DUS3L: variants seen among roughly 807,000 people sequenced by gnomAD.
DUS3L encodes dihydrouridine synthase 3 like.
A neutral mutation model predicts 74.6 loss-of-function variants in DUS3L; 62 were observed. That is an observed-to-expected ratio of 0.83 (90% CI 0.68 to 1.03). The LOEUF (loss-of-function observed/expected upper bound fraction) is 1.03, where lower values mean the gene tolerates loss of function less well. DUS3L is among the 50% of genes least tolerant of loss of function. DUS3L has a pLI of 0.00. For synonymous variants in DUS3L, 433 were observed against 395.7 expected (o/e 1.09, Z -1.12); for missense variants, 884 against 924.4 (o/e 0.96, Z 0.57).
Position 5,789,375 on chromosome 19 carries a change from A to T in DUS3L, c.732T>A (p.Ala244=). ...CCTCGGCTGCCGTGCCCTCGGGGACAGCGGCAGCGGGTGTGGGGCCCTGGC... is the reference window on the plus strand; with the variant it reads ...CCTCGGCTGCCGTGCCCTCGGGGACTGCGGCAGCGGGTGTGGGGCCCTGGC... ...RFSQGPTPAA[A]VPEGTAAEGA... The change falls in exon 3 of 13, where the codon GCT becomes GCA. Residue 244 remains alanine (A), a synonymous_variant. Coordinates refer to ENST00000309061, the MANE Select transcript of DUS3L (RefSeq NM_020175.3). The T allele has an allele frequency of 6.3e-7, 1 of 1,592,538 alleles. No homozygotes were observed. The highest frequency in any genetic ancestry group is 8.5e-7 in the Non-Finnish European group (1 of 1,171,638).
rs2056839397 is a variant in DUS3L, at chr19:5,786,123, T to C, written c.1563-332A>G. The stretch of plus-strand genomic sequence containing the variant: ...TGTACCACTACACCTGGCTAATTTT[T>C]GTATTTTTAATAGAGATGTTTCACC... On this transcript the variant is annotated intron_variant, in intron 10 of 12. Coordinates refer to ENST00000309061, the MANE Select transcript of DUS3L (RefSeq NM_020175.3). 5 of 451,402 alleles carry C rather than the reference T, an allele frequency of 1.1e-5. No homozygotes were observed. The East Asian group carries it at 2.0e-4, about 18-fold the overall frequency. The allele number at this position is 451,402 out of a possible 1,614,324, so 28.0% of individuals were successfully genotyped here.
In DUS3L at chr19:5,785,685, C is replaced by T. The variant is rs758790438; in HGVS notation, c.1669G>A (p.Gly557Ser). The T allele has an allele frequency of 7.4e-6, 12 of 1,612,550 alleles. No homozygotes were observed. The highest frequency in any genetic ancestry group is 3.3e-5 in the South Asian group (3 of 91,070). Reference protein sequence around the residue: ...LDILRDFTNYGLEHWGSDTQG... With the variant: ...LDILRDFTNYSLEHWGSDTQG... The stretch of plus-strand genomic sequence containing the variant: ...GTGTCCGAGCCCCAGTGCTCCAGGC[C>T]GTAGTTGGTGAAGTCCCGCAGGATG... Residue 557 changes from glycine (G) to serine (S), a missense_variant, in exon 11 of 13, where the codon GGC (glycine) becomes AGC (serine). Coordinates refer to ENST00000309061, the MANE Select transcript of DUS3L (RefSeq NM_020175.3).
At position 5,791,031 on chromosome 19, in the gene DUS3L, C is replaced by A. The variant is rs1424776816; in HGVS notation, c.98+13G>T. ...AAAGGCCCTTCAGCTTCCCTCCTGC[C>A]CCGGCGACTCACTGACGCTTAATGG... On this transcript the variant is annotated intron_variant, in intron 1 of 12. Coordinates refer to ENST00000309061, the MANE Select transcript of DUS3L (RefSeq NM_020175.3). 2 of 1,587,712 alleles carry A rather than the reference C, an allele frequency of 1.3e-6. No homozygotes were observed. Among genetic ancestry groups the A allele is most frequent in the Non-Finnish European group, 1.7e-6 (2 of 1,167,216 alleles).
intron 3 of DUS3L, 62 bp from the exon 4 acceptor site, chr19:5,788,460 G>A: frequency 1.3e-6 from 2 of 1,566,524 alleles, no homozygotes; most frequent in South Asian, 2.3e-5. Flanking sequence ...TGAGGCCCTG[G>A]AGCCTCCCTT....
chr19:5,789,930 G>A (rs2056893154), intron 2 of DUS3L, 117 bp downstream of exon 2: 1 of 1,421,478 alleles, frequency 7.0e-7, no homozygotes, highest in African/African-American at 1.4e-5. Context: ...AATGGCATCA[G>A]AGCAAGCTCA....
chr19:5,790,202 C>T lies in DUS3L; in HGVS notation c.232G>A (p.Glu78Lys), dbSNP rs2056896253. The change falls in exon 2 of 13, where the codon GAG (glutamate) becomes AAG (lysine). Residue 78 changes from glutamate (E) to lysine (K), a missense_variant. Transcript: ENST00000309061. ...TGCCCGTCCGCCGTCTGTCCATCCT[C>T]CAGTCGGATCCGCTTAGCCTCAGGC... ...AEPEAKRIRL[E>K]DGQTADGQTE... The T allele has an allele frequency of 1.2e-6, 2 of 1,614,088 alleles. No homozygotes were observed. Among genetic ancestry groups the T allele is most frequent in the African/African-American group, 2.7e-5 (2 of 74,936 alleles).
chr19:5,785,365 TCCAGC>T lies in DUS3L; in HGVS notation c.1880+13_1880+17del. 6.2e-7 allele frequency: 1 copy of T among 1,602,972 alleles called. No homozygotes were observed. The highest frequency in any genetic ancestry group is 2.2e-5 in the East Asian group (1 of 44,680). ...GGGCCCCCGACTGCAGCTCCCCAAC[TCCAGC>T]CCACCCAGGCACCTGATGCGGATCC... is the stretch of plus-strand genomic sequence containing the variant. On this transcript the variant is annotated intron_variant, in intron 12 of 12. Transcript: ENST00000309061.
chr19:5,787,567 G>A (rs760768506), intron 6 of DUS3L, 22 bp downstream of exon 6: 7 of 1,609,952 alleles, frequency 4.3e-6, no homozygotes, highest in Admixed American at 1.7e-5. Context: ...GGGAAACCGA[G>A]GCACACGTCC....
In DUS3L at chr19:5,787,166, C is replaced by T. The variant is rs1330148113; in HGVS notation, c.1284G>A (p.Leu428=). Residue 428 remains leucine (L), a synonymous_variant, in exon 8 of 13, where the codon CTG becomes CTA. Coordinates refer to ENST00000309061, the MANE Select transcript of DUS3L (RefSeq NM_020175.3). The stretch of plus-strand genomic sequence containing the variant: ...GGATCTTCACAGTCAGCGGCACATC[C>T]AGCACCTACAGGACGGTGGTGGGAG... The part of the protein sequence containing the change: ...QQIVRGMNQV[L]DVPLTVKIRT... 7 of 470,434 alleles carry T rather than the reference C, an allele frequency of 1.5e-5. No homozygotes were observed. Among genetic ancestry groups the T allele is most frequent in the Non-Finnish European group, 1.7e-5 (7 of 414,516 alleles). 29.1% of individuals were successfully genotyped at this position (470,434 alleles called of 1,614,324 possible). A position where few individuals can be genotyped will look rare whatever the true frequency, so the allele number is the denominator to read the frequency against.
Position 5,789,203 on chromosome 19 carries a change from G to T in DUS3L, c.900+4C>A. The T allele has an allele frequency of 6.5e-7, 1 of 1,527,532 alleles. No individual in the cohort carries two copies. The highest frequency in any genetic ancestry group is 1.3e-5 in the South Asian group (1 of 77,608). The allele number at this position is 1,527,532 out of a possible 1,614,324, so 94.6% of individuals were successfully genotyped here. A position where few individuals can be genotyped will look rare whatever the true frequency, so the allele number is the denominator to read the frequency against. ...CTGCTACTGACGTTGTCCTCAACAC[G>T]TACCCGCTTCTTCTCACAGGGCCGC... On this transcript the variant is annotated splice_donor_region_variant and intron_variant, in intron 3 of 12. Transcript: ENST00000309061.
At position 5,790,919 on chromosome 19, in the gene DUS3L, C is replaced by T. The variant is rs1235361213; in HGVS notation, c.98+125G>A. 1.7e-5 allele frequency: 16 copies of T among 950,420 alleles called. No homozygotes were observed. The Admixed American group carries it at 3.4e-4, about 20-fold the overall frequency. 58.9% of individuals were successfully genotyped at this position (950,420 alleles called of 1,614,324 possible). A position where few individuals can be genotyped will look rare whatever the true frequency, so the allele number is the denominator to read the frequency against. ...ACCACCCTGCAGGCGGAAGAACGGC[C>T]CGGAATGAAGAGCCGGTGGCTTCTC... is the stretch of plus-strand genomic sequence containing the variant. On this transcript the variant is annotated intron_variant, in intron 1 of 12. Transcript: ENST00000309061.
At position 5,785,599 on chromosome 19, in the gene DUS3L, C is replaced by A; in HGVS notation, c.1751+4G>T. Reference sequence around the variant, plus strand: ...CGCCCACCCCAGCCAGCCCCGGTGCCCACCGGCACAGGAAGGACAGCCACT... The same window carrying A: ...CGCCCACCCCAGCCAGCCCCGGTGCACACCGGCACAGGAAGGACAGCCACT... On this transcript the variant is annotated splice_donor_region_variant and intron_variant, in intron 11 of 12. Transcript: ENST00000309061. 2 of 1,599,584 alleles carry A rather than the reference C, an allele frequency of 1.3e-6. No individual in the cohort carries two copies. The highest frequency in any genetic ancestry group is 1.7e-6 in the Non-Finnish European group (2 of 1,172,016).
intron 8 of DUS3L, 101 bp from the exon 9 acceptor site, chr19:5,786,946 C>A (rs1477221253): frequency 1.3e-6 from 2 of 1,493,026 alleles, no homozygotes; most frequent in African/African-American, 1.4e-5. Context: ...GAGACACAGG[C>A]GGAGACAGAG....
rs1234316998 is a variant in DUS3L at position 5,788,844 on chromosome 19, T to A, written c.900+363A>T. On this transcript the variant is annotated intron_variant, in intron 3 of 12. Coordinates refer to ENST00000309061, the MANE Select transcript of DUS3L (RefSeq NM_020175.3). ...GCCTCAGCCTCCTGAGTGGCTGGAA[T>A]TACAGGTGCCCGCCACCAGGCCCGG... Among the ~76,000 whole-genome samples, 3 of 152,020 alleles carry A rather than the reference T, an allele frequency of 2.0e-5. No individual in the cohort carries two copies. In the East Asian group the frequency reaches 5.8e-4, roughly 29 times the overall value.
intron 1 of DUS3L, 143 bp downstream of exon 1, chr19:5,790,901 T>C: frequency 1.2e-6 from 1 of 800,186 alleles, no homozygotes; most frequent in South Asian, 1.7e-5. Context: ...CTGACCACCC[T>C]GCAGGCGGAA....
At chr19:5,785,542 G>C in intron 11 of DUS3L, 31 bp from the exon 12 acceptor site, 6 of 1,548,202 alleles carry the variant, frequency 3.9e-6, no homozygotes, top group South Asian at 1.2e-5. Flanking sequence ...GGACAGGCTT[G>C]AGTCAGCTCT....
In DUS3L at chr19:5,789,516, C is replaced by G; in HGVS notation, c.591G>C (p.Ala197=). Residue 197 remains alanine (A), a synonymous_variant, in exon 3 of 13, where the codon GCG becomes GCC. Coordinates refer to ENST00000309061, the MANE Select transcript of DUS3L (RefSeq NM_020175.3). ...TGGACGGGGGCTGGGTCCCGCGGGC[C>G]GCCAACTCCTCCTGCACCAGGTTCT... is the stretch of plus-strand genomic sequence containing the variant. ...EGQNLVQEEL[A]ARGTQPPSIR... is the part of the protein sequence containing the mutation. 6.2e-7 allele frequency: 1 copy of G among 1,605,092 alleles called. No homozygotes were observed. Among genetic ancestry groups the G allele is most frequent in the Non-Finnish European group, 8.5e-7 (1 of 1,178,352 alleles).
intron 2 of DUS3L, 91 bp from the exon 3 acceptor site, chr19:5,789,810 G>T: frequency 6.7e-7 from 1 of 1,496,906 alleles, no homozygotes; most frequent in Non-Finnish European, 9.0e-7. Flanking sequence ...ACCCCTCCTG[G>T]CTCTTGTGTC....
chr19:5,788,426 G>C, intron 3 of DUS3L, 28 bp from the exon 4 acceptor site: 1 of 1,605,440 alleles, frequency 6.2e-7, no homozygotes, highest in Non-Finnish European at 8.5e-7. Flanking sequence ...CACACAAGTG[G>C]AGCTTGGCCT....
Sources: allele counts gnomAD v4.1 joint callset (sites outside exome capture counted in the v4.1 genomes callset), GRCh38; gene constraint gnomAD v4.1.1; transcripts MANE v1.5; gene names NCBI Gene and HGNC (gene_info 2026-07-23, HGNC 2026-07-21).